Variants in TTC8 observed in about 807,000 individuals in gnomAD.
TTC8 encodes the protein tetratricopeptide repeat domain 8.
Under a neutral mutation model 72.5 loss-of-function variants are expected in TTC8, and 47 were observed. The ratio of observed to expected loss-of-function variants is 0.65; its 90% CI spans 0.51 to 0.83. The LOEUF (loss-of-function observed/expected upper bound fraction) is 0.83, where lower values mean the gene tolerates loss of function less well. Ranked by LOEUF, TTC8 falls within the 40% of genes least tolerant of loss-of-function variation. TTC8 has a pLI of 0.00. For missense variants in TTC8, 611 were observed against 623.2 expected (o/e 0.98, Z 0.21); for synonymous variants, 199 against 221.4 (o/e 0.90, Z 0.90).
intron 3 of TTC8, among the ~76,000 whole-genome samples, 178 bp from the exon 4 acceptor site, chr14:88,840,687 A>G (rs141495779): frequency 0.012 from 1,830 of 152,336 alleles, 13 homozygotes; most frequent in Non-Finnish European, 0.018. Flanking sequence ...ATGTGATGAC[A>G]TAAGTAACAT....
In TTC8 at chr14:88,871,762, T is replaced by C. The variant is rs2094935110; in HGVS notation, c.1224+39T>C. The C allele has an allele frequency of 5.0e-6, 8 of 1,612,648 alleles. No homozygotes were observed. The highest frequency in any genetic ancestry group is 6.8e-6 in the Non-Finnish European group (8 of 1,178,914). On this transcript the variant is annotated intron_variant, in intron 12 of 14. Coordinates refer to ENST00000380656, the MANE Select transcript of TTC8 (RefSeq NM_144596.4). This position sits in a 1 kb window ranked among gnomAD's most constrained non-coding sequence, Gnocchi z 4.1. ...CTGATATAATTTCTGTTATAGAAAG[T>C]TGGTTTGAGCCAGACACAGTGGCTC...
At chr14:88,825,887 A>G (rs1005489092) in intron 1 of TTC8, among the ~76,000 whole-genome samples, 3 of 152,368 alleles carry the variant, frequency 2.0e-5, no homozygotes, top group Non-Finnish European at 2.9e-5. Context: ...GTTAGTGGTA[A>G]TACAAAGCTA....
chr14:88,872,196 A>C (rs1379506041), intron 12 of TTC8, 134 bp from the exon 13 acceptor site: 2 of 1,313,918 alleles, frequency 1.5e-6, no homozygotes, highest in South Asian at 1.3e-5. Context: ...CCACTTACGT[A>C]GAATTCACAT....
chr14:88,872,010 G>A (rs981494318), intron 12 of TTC8, among the ~76,000 whole-genome samples: 1 of 152,116 alleles, frequency 6.6e-6, no homozygotes, highest in Non-Finnish European at 1.5e-5. Context: ...TGTGATCGTA[G>A]CACTGCACTC....
intron 6 of TTC8, among the ~76,000 whole-genome samples, chr14:88,843,188 G>A (rs1303534197): frequency 6.6e-6 from 1 of 152,148 alleles, no homozygotes; most frequent in Admixed American, 6.5e-5. Flanking sequence ...AGAGTTATCT[G>A]AGGGCTTTAA....
chr14:88,826,005 C>G (rs745954330), intron 1 of TTC8, among the ~76,000 whole-genome samples: 1 of 150,740 alleles, frequency 6.6e-6, no homozygotes, highest in Non-Finnish European at 1.5e-5. Flanking sequence ...TTTTTTGAGA[C>G]GGAGTCTCGC....
chr14:88,843,175 A>C (rs571027386), intron 6 of TTC8, among the ~76,000 whole-genome samples: 220 of 152,298 alleles, frequency 1.4e-3, no homozygotes, highest in African/African-American at 5.1e-3. Context: ...CTGGCTGTAC[A>C]TGAGAGTTAT....
chr14:88,837,942 T>C (rs867065663), intron 2 of TTC8, among the ~76,000 whole-genome samples: 20 of 152,298 alleles, frequency 1.3e-4, no homozygotes, highest in Non-Finnish European at 2.1e-4. Flanking sequence ...CTCATCTAAT[T>C]GTGTTAAATT....
intron 14 of TTC8, among the ~76,000 whole-genome samples, chr14:88,876,564 T>G (rs1234778669): frequency 1.3e-5 from 2 of 152,166 alleles, no homozygotes; most frequent in East Asian, 3.9e-4. Context: ...CCAGTTACCC[T>G]GATTTGATCA....
intron 2 of TTC8, among the ~76,000 whole-genome samples, chr14:88,835,863 T>G (rs1487508474): frequency 6.6e-6 from 1 of 152,310 alleles, no homozygotes; most frequent in East Asian, 1.9e-4. Context: ...ATTATTTTTT[T>G]AAAGCCAAAG....
chr14:88,837,446 T>C (rs1161916324), intron 2 of TTC8, among the ~76,000 whole-genome samples: 2 of 152,236 alleles, frequency 1.3e-5, no homozygotes, highest in Non-Finnish European at 2.9e-5. Flanking sequence ...ATGGAAATTC[T>C]TTCCAGTTAG....
chr14:88,847,762 G>A (rs891777428), intron 7 of TTC8, among the ~76,000 whole-genome samples: 1 of 152,028 alleles, frequency 6.6e-6, no homozygotes, highest in African/African-American at 2.4e-5. Context: ...GAAGTAAAAG[G>A]GCAATAGAAG....
chr14:88,838,751 A>G (rs968863881), intron 2 of TTC8, among the ~76,000 whole-genome samples: 4 of 152,194 alleles, frequency 2.6e-5, no homozygotes, highest in Non-Finnish European at 5.9e-5. Flanking sequence ...GCCAGTTTAG[A>G]TTTCTTAATT....
rs1595942347 is a variant in TTC8 at position 88,841,251 on chromosome 14, G to A, written c.489+55G>A. The A allele has an allele frequency of 2.5e-6, 4 of 1,607,392 alleles. No homozygotes were observed. In the East Asian group the frequency reaches 8.9e-5, roughly 36 times the overall value. On this transcript the variant is annotated intron_variant, in intron 5 of 14. Transcript: ENST00000380656. ...GTATTACTTTGGTATTACCAAAGTAGCTTTATATTATGGTATATCATTTTC... is the reference window on the plus strand; with the variant it reads ...GTATTACTTTGGTATTACCAAAGTAACTTTATATTATGGTATATCATTTTC...
chr14:88,827,025 C>CT (rs879886040), intron 1 of TTC8, among the ~76,000 whole-genome samples: 1,538 of 145,346 alleles, frequency 0.011, 23 homozygotes, highest in African/African-American at 0.035. Flanking sequence ...CACCGGATTC[C>CT]TTTTTTTTTT....
At position 88,869,525 on chromosome 14, in the gene TTC8, C is replaced by T. The variant is rs568412795; in HGVS notation, c.910-534C>T. On this transcript the variant is annotated intron_variant, in intron 10 of 14. Transcript: ENST00000380656. ...AAAAAAAAAAATCTGAAGTTCTCACCGTGGCTTACAAAGGCCCTGGCTGCC... is the reference window on the plus strand; with the variant it reads ...AAAAAAAAAAATCTGAAGTTCTCACTGTGGCTTACAAAGGCCCTGGCTGCC... 9.2e-5 allele frequency among the ~76,000 whole-genome samples: 14 copies of T among 152,206 alleles called. No homozygotes were observed. The South Asian group carries it at 2.5e-3, about 27-fold the overall frequency.
intron 14 of TTC8, among the ~76,000 whole-genome samples, chr14:88,876,467 A>G (rs2094957799): frequency 6.6e-6 from 1 of 152,200 alleles, no homozygotes; most frequent in Admixed American, 6.6e-5. Flanking sequence ...ACTGTAATTA[A>G]TAATTTATTG....
At chr14:88,870,551 G>T (rs185062389) in intron 11 of TTC8, among the ~76,000 whole-genome samples, 28 of 152,290 alleles carry the variant, frequency 1.8e-4, no homozygotes, top group African/African-American at 6.3e-4. Flanking sequence ...GAAATTGAAA[G>T]GTGAAAAGAT....
chr14:88,832,431 C>G (rs1053081326), intron 1 of TTC8, among the ~76,000 whole-genome samples: 1 of 152,100 alleles, frequency 6.6e-6, no homozygotes, highest in Non-Finnish European at 1.5e-5. Context: ...TATCTTGTAT[C>G]TCTCCTAAAC....
Sources: allele counts gnomAD v4.1 joint callset (sites outside exome capture counted in the v4.1 genomes callset), GRCh38; gene constraint gnomAD v4.1.1; non-coding constraint Gnocchi (gnomAD v3.1); transcripts MANE v1.5; gene names NCBI Gene and HGNC (gene_info 2026-07-23, HGNC 2026-07-21).